Variants in NRXN1 observed in about 807,000 individuals in gnomAD.
The protein encoded by NRXN1 is neurexin 1, also known as neurexin-1.
A neutral mutation model predicts 150.9 loss-of-function variants in NRXN1; 39 were observed. That is an observed-to-expected ratio of 0.26 (90% CI 0.20 to 0.34). NRXN1 has a LOEUF of 0.34. Ranked by LOEUF, NRXN1 falls within the 10% of genes least tolerant of loss-of-function variation. The pLI, the probability that NRXN1 is intolerant of heterozygous loss-of-function variation, is 1.00. For synonymous variants in NRXN1, 924 were observed against 757.0 expected (o/e 1.22, Z -3.62); for missense variants, 1,815 against 1,949.9 (o/e 0.93, Z 1.30).
chr2:50,176,589 C>A (rs72887721), intron 18 of NRXN1, among the ~76,000 whole-genome samples: 11,933 of 152,094 alleles, frequency 0.078, 1,609 homozygotes, highest in African/African-American at 0.27. Context: ...TAGGCCAAAA[C>A]TTCACCTAAC....
intron 5 of NRXN1, among the ~76,000 whole-genome samples, chr2:50,765,996 G>A (rs1559230807): frequency 6.6e-6 from 1 of 151,952 alleles, no homozygotes; most frequent in Non-Finnish European, 1.5e-5. Context: ...GAAAGTCCTG[G>A]CCCTTTGCAT....
At chr2:50,770,494 CA>C (rs1197697484) in intron 5 of NRXN1, among the ~76,000 whole-genome samples, 1 of 151,858 alleles carries the variant, frequency 6.6e-6, no homozygotes. Context: ...ACAGGGAGCT[CA>C]AATGTGACTT....
At chr2:50,810,642 T>C (rs1286509137) in intron 5 of NRXN1, among the ~76,000 whole-genome samples, 1 of 152,120 alleles carries the variant, frequency 6.6e-6, no homozygotes. Context: ...CTTGACACAA[T>C]ACAGAAATTA....
In NRXN1 at chr2:49,921,178, C is replaced by G. The variant is rs200921326; in HGVS notation, c.*766G>C. On this transcript the variant is annotated 3_prime_UTR_variant, in exon 23 of 23. Transcript: ENST00000401669. ...CACTTATCACAGTCCAGAAAGCACA[C>G]AGAGATGGATTTTATATAAACATAT... The G allele has an allele frequency of 1.2e-4, 18 of 152,550 alleles. No homozygotes were observed. Among genetic ancestry groups the G allele is most frequent in the Non-Finnish European group, 2.1e-4 (14 of 68,018 alleles). The allele number at this position is 152,550 out of a possible 1,614,324, so 9.4% of individuals were successfully genotyped here. A position where few individuals can be genotyped will look rare whatever the true frequency, so the allele number is the denominator to read the frequency against.
intron 17 of NRXN1, among the ~76,000 whole-genome samples, chr2:50,297,900 A>T (rs2073772991): frequency 6.6e-6 from 1 of 152,138 alleles, no homozygotes; most frequent in South Asian, 2.1e-4. Flanking sequence ...GGGTGACCTG[A>T]GCAAAGGATT....
intron 21 of NRXN1, among the ~76,000 whole-genome samples, chr2:50,012,285 T>C (rs768061861): frequency 2.2e-4 from 33 of 152,178 alleles, no homozygotes; most frequent in Non-Finnish European, 3.5e-4. Context: ...CATCTTGAGA[T>C]AATACTATTA....
chr2:50,825,620 T>A (rs551764958), intron 5 of NRXN1, among the ~76,000 whole-genome samples: 3 of 152,338 alleles, frequency 2.0e-5, no homozygotes, highest in African/African-American at 7.2e-5. Context: ...TGACTGTTTA[T>A]CTGTATCCTT....
intron 5 of NRXN1, among the ~76,000 whole-genome samples, chr2:50,839,436 T>C (rs947447609): frequency 6.6e-6 from 1 of 152,190 alleles, no homozygotes; most frequent in African/African-American, 2.4e-5. Flanking sequence ...TGAATTATTG[T>C]AACCTCCCCT....
At chr2:50,338,575 A>G (rs547533245) in intron 17 of NRXN1, among the ~76,000 whole-genome samples, 1 of 152,286 alleles carries the variant, frequency 6.6e-6, no homozygotes, top group South Asian at 2.1e-4. Flanking sequence ...AAAATGATAT[A>G]GATGCATAGA....
chr2:50,558,053 C>A (rs1573539721), intron 8 of NRXN1, among the ~76,000 whole-genome samples: 2 of 152,168 alleles, frequency 1.3e-5, no homozygotes, highest in Admixed American at 1.3e-4. Flanking sequence ...ACAGCGGCTA[C>A]CACTATCACC....
intron 21 of NRXN1, among the ~76,000 whole-genome samples, chr2:49,955,598 A>C (rs1258616681): frequency 7.4e-6 from 1 of 134,578 alleles, no homozygotes; most frequent in African/African-American, 2.8e-5. Flanking sequence ...AACATAGTTA[A>C]CTATCATTTT....
At chr2:50,844,292 G>C (rs2105942667) in intron 5 of NRXN1, among the ~76,000 whole-genome samples, 1 of 152,138 alleles carries the variant, frequency 6.6e-6, no homozygotes, top group East Asian at 1.9e-4. Context: ...CCCTTGTAAG[G>C]TTATACCCTG....
chr2:50,979,959 C>G (rs1414839194), intron 2 of NRXN1, among the ~76,000 whole-genome samples: 1 of 152,010 alleles, frequency 6.6e-6, no homozygotes, highest in Non-Finnish European at 1.5e-5. Flanking sequence ...CGTTTGTTCT[C>G]TATAAATAAT....
chr2:50,310,367 CTAACTACAAT>C (rs1164569240), intron 17 of NRXN1, among the ~76,000 whole-genome samples: 1 of 152,136 alleles, frequency 6.6e-6, no homozygotes, highest in Admixed American at 6.6e-5. Context: ...GCAGAAATAA[CTAACTACAAT>C]TCAATATATT....
Position 49,943,773 on chromosome 2 carries a change from C to T in NRXN1, c.4147G>A (p.Val1383Met). 1 of 1,611,218 alleles carries T rather than the reference C, an allele frequency of 6.2e-7. No individual in the cohort carries two copies. Among genetic ancestry groups the T allele is most frequent in the Non-Finnish European group, 8.5e-7 (1 of 1,178,520 alleles). Reference sequence around the variant, plus strand: ...TCGCTGGGACACTCTGCTGAGGCCACAAGGATGTCATCTGTGGTCTGCAAA... The same window carrying T: ...TCGCTGGGACACTCTGCTGAGGCCATAAGGATGTCATCTGTGGTCTGCAAA... Reference protein sequence around the residue: ...PISQTTDDILVASAECPSDDE... With the variant: ...PISQTTDDILMASAECPSDDE... The change falls in exon 22 of 23, where the codon GTG becomes ATG. Residue 1383 changes from valine (V) to methionine (M), a missense_variant. Physicochemically the swap from Val to Met is conservative, Grantham distance 21 (BLOSUM62 1). Around this residue, in one of 6 missense-constraint regions of NRXN1, gnomAD observed 265 missense variants for 307.1 expected, o/e 0.86. Coordinates refer to ENST00000401669, the MANE Select transcript of NRXN1 (RefSeq NM_001330078.2).
intron 18 of NRXN1, among the ~76,000 whole-genome samples, chr2:50,110,491 C>CAAAAAAAAAAAAAA (rs5831088): frequency 2.3e-5 from 2 of 85,626 alleles, no homozygotes; most frequent in African/African-American, 9.0e-5. Flanking sequence ...GACTCTGTCT[C>CAAAAAAAAAAAAAA]AAAAAAAAAA....
intron 21 of NRXN1, among the ~76,000 whole-genome samples, chr2:50,041,059 A>G (rs1229029795): frequency 1.3e-5 from 2 of 152,136 alleles, no homozygotes; most frequent in African/African-American, 4.8e-5. Context: ...ACAGCTATCT[A>G]TGACAAACCC....
At chr2:50,592,252 A>G (rs1213339744) in intron 8 of NRXN1, among the ~76,000 whole-genome samples, 2 of 152,256 alleles carry the variant, frequency 1.3e-5, no homozygotes, top group African/African-American at 4.8e-5. Flanking sequence ...TTATTAAAGG[A>G]TTAAAAGTAT....
Position 50,619,941 on chromosome 2 carries a change from C to T in NRXN1, c.1320+81G>A, listed in dbSNP as rs142820060. ...GCCGTTTGACTCTGGAACATCGGGTCTTCAGCAAAGGTGCTTTCATGCTGG... is the reference window on the plus strand; with the variant it reads ...GCCGTTTGACTCTGGAACATCGGGTTTTCAGCAAAGGTGCTTTCATGCTGG... On this transcript the variant is annotated intron_variant, in intron 8 of 22. Transcript: ENST00000401669. 1.7e-5 allele frequency: 22 copies of T among 1,303,558 alleles called. No homozygotes were observed. The African/African-American group carries it at 2.8e-4, about 17-fold the overall frequency. 80.7% of individuals were successfully genotyped at this position (1,303,558 alleles called of 1,614,324 possible).
Sources: gnomAD v4.1 joint callset for allele counts (sites outside exome capture counted in the v4.1 genomes callset) on GRCh38, gnomAD v4.1.1 for gene constraint, gnomAD v4.1.1 regional missense constraint, MANE v1.5 for transcripts, NCBI Gene and HGNC (gene_info 2026-07-23, HGNC 2026-07-21) for gene names.